MED13L: variants seen among roughly 807,000 people sequenced by gnomAD.
MED13L encodes the protein mediator of RNA polymerase II transcription subunit 13-like.
MED13L carries 7 observed loss-of-function variants against 220.9 expected under a neutral mutation model. That is an observed-to-expected ratio of 0.03 (90% CI 0.02 to 0.06). The LOEUF (loss-of-function observed/expected upper bound fraction) is 0.06, where lower values mean the gene tolerates loss of function less well. MED13L is among the 10% of genes least tolerant of loss of function. MED13L has a pLI of 1.00. For missense variants in MED13L, 1,965 were observed against 2,760.5 expected, an observed-to-expected ratio of 0.71 and a Z score of 6.46; for synonymous variants, 1,011 against 1,015.2, an observed-to-expected ratio of 1.00 and a Z score of 0.08.
At chr12:116,230,564 T>G (rs917542666) in intron 2 of MED13L, 1 of 736,214 alleles carries the variant, frequency 1.4e-6, no homozygotes, top group Non-Finnish European at 1.7e-6. Flanking sequence ...ATACTGCAAA[T>G]ACAATTCCTT....
intron 2 of MED13L, among the ~76,000 whole-genome samples, chr12:116,230,686 A>G (rs1214736378): frequency 6.6e-6 from 1 of 152,194 alleles, no homozygotes; most frequent in Admixed American, 6.5e-5. Flanking sequence ...TCCTTGAAAG[A>G]AATTTTCAAA....
intron 2 of MED13L, among the ~76,000 whole-genome samples, chr12:116,200,079 C>CAA (rs36110388): frequency 1.7e-5 from 2 of 116,864 alleles, no homozygotes; most frequent in Non-Finnish European, 3.6e-5. Flanking sequence ...GGATGCTTTT[C>CAA]AAAAAAAAAA....
chr12:116,175,863 C>T (rs1309551039), intron 2 of MED13L, among the ~76,000 whole-genome samples: 1 of 152,038 alleles, frequency 6.6e-6, no homozygotes, highest in Non-Finnish European at 1.5e-5. Context: ...ATAGGAGGGT[C>T]ATTAATAAAT....
chr12:116,264,127 A>G (rs1872676171), intron 1 of MED13L, among the ~76,000 whole-genome samples: 1 of 152,222 alleles, frequency 6.6e-6, no homozygotes, highest in Non-Finnish European at 1.5e-5. Context: ...AAAAAGCAGA[A>G]CTAAAATAAT....
At chr12:116,237,129 T>C (rs1354962750) in intron 2 of MED13L, among the ~76,000 whole-genome samples, 3 of 152,224 alleles carry the variant, frequency 2.0e-5, no homozygotes, top group Admixed American at 6.5e-5. Context: ...CAGTAACTGT[T>C]CAATTCACTG....
rs867016113 is a variant in MED13L, at chr12:116,093,722, C to T, written c.479+2947G>A. 6.1e-4 allele frequency among the ~76,000 whole-genome samples: 92 copies of T among 151,992 alleles called. 1 individual carries two copies. The highest frequency in any genetic ancestry group is 3.4e-3 in the Middle Eastern group (1 of 292). The stretch of plus-strand genomic sequence containing the variant: ...AGATATTATATATAGATACTATATG[C>T]TAGTATTACACTATACTTAGAAATA... On this transcript the variant is annotated intron_variant, in intron 4 of 30. Coordinates refer to ENST00000281928, the MANE Select transcript of MED13L (RefSeq NM_015335.5).
At chr12:116,096,902 T>C (rs551374897) in intron 3 of MED13L, 150 bp from the exon 4 acceptor site, 22 of 660,774 alleles carry the variant, frequency 3.3e-5, no homozygotes, top group Non-Finnish European at 5.6e-5. Flanking sequence ...ATTTTTACGT[T>C]ATACTTTCCG....
At chr12:116,064,516 A>C (rs1869764722) in intron 4 of MED13L, among the ~76,000 whole-genome samples, 1 of 152,158 alleles carries the variant, frequency 6.6e-6, no homozygotes, top group Non-Finnish European at 1.5e-5. Context: ...AAAATTTGGA[A>C]TCTGGGGCCC....
chr12:116,272,949 T>A (rs1036286287), intron 1 of MED13L, among the ~76,000 whole-genome samples: 6 of 152,352 alleles, frequency 3.9e-5, no homozygotes, highest in African/African-American at 1.4e-4. Flanking sequence ...TAACACCATG[T>A]GCTACTAACA....
At chr12:116,198,654 T>C (rs1881805757) in intron 2 of MED13L, among the ~76,000 whole-genome samples, 1 of 152,204 alleles carries the variant, frequency 6.6e-6, no homozygotes, top group South Asian at 2.1e-4. Flanking sequence ...AACAGTTTTA[T>C]AATTACATCT....
Position 115,991,823 on chromosome 12 carries a change from G to A in MED13L, c.3131C>T (p.Pro1044Leu). ...GAGVLPSPAT[P>L]RFSVPTPRTP... is the part of the protein sequence containing the mutation. Reference sequence around the variant, plus strand: ...TCGTGGTGTGGGGACAGAGAAGCGAGGGGTTGCTGGAGATGGTAGGACTCC... The same window carrying A: ...TCGTGGTGTGGGGACAGAGAAGCGAAGGGTTGCTGGAGATGGTAGGACTCC... Residue 1044 changes from proline (P) to leucine (L), a missense_variant, in exon 17 of 31, where the codon CCT becomes CTT. By Grantham distance (98) the Pro-to-Leu change is moderately conservative. Coordinates refer to ENST00000281928, the MANE Select transcript of MED13L (RefSeq NM_015335.5). This position sits in a 1 kb window ranked among gnomAD's most constrained non-coding sequence, Gnocchi z 7.7. The A allele has an allele frequency of 1.2e-6, 2 of 1,612,828 alleles. No homozygotes were observed. Among genetic ancestry groups the A allele is most frequent in the Non-Finnish European group, 1.7e-6 (2 of 1,179,988 alleles).
In MED13L at chr12:116,250,357, AT is replaced by A. The variant is rs923049117; in HGVS notation, c.73-12653del. ...CAGTAAAATAAATGTAACTAGAATA[AT>A]TTTTTTTTTTATTTCTTCAGGTACG... is the stretch of plus-strand genomic sequence containing the variant. On this transcript the variant is annotated intron_variant, in intron 1 of 30. Coordinates refer to ENST00000281928, the MANE Select transcript of MED13L (RefSeq NM_015335.5). Among the ~76,000 whole-genome samples, 284 of 148,668 alleles carry A rather than the reference AT, an allele frequency of 1.9e-3. 2 individuals are homozygous for A. The highest frequency in any genetic ancestry group is 5.4e-3 in the African/African-American group (221 of 40,798).
chr12:116,236,620 G>C (rs535732401), intron 2 of MED13L, among the ~76,000 whole-genome samples: 1 of 151,992 alleles, frequency 6.6e-6, no homozygotes, highest in South Asian at 2.1e-4. Context: ...ATGGTTCTAA[G>C]AGACTAAGTC....
intron 4 of MED13L, among the ~76,000 whole-genome samples, chr12:116,040,795 CAA>C (rs59484926): frequency 2.5e-4 from 23 of 92,492 alleles, no homozygotes; most frequent in South Asian, 3.2e-4. Context: ...TAGGAGTCCT[CAA>C]AAAAAAAAAA....
At chr12:116,110,288 G>A (rs1258695606) in intron 3 of MED13L, 2 of 151,970 alleles carry the variant, frequency 1.3e-5, no homozygotes, top group Non-Finnish European at 2.9e-5. Context: ...CAAAATAAAT[G>A]ATGGTAAAAA....
chr12:115,960,995 G>C lies in MED13L; in HGVS notation c.*271C>G. 2.1e-6 allele frequency: 1 copy of C among 466,242 alleles called. No individual in the cohort carries two copies. Among genetic ancestry groups the C allele is most frequent in the Non-Finnish European group, 4.0e-6 (1 of 251,646 alleles). The allele number at this position is 466,242 out of a possible 1,614,324, so 28.9% of individuals were successfully genotyped here. ...AGCCATCAACCACCACCACTTCCTGGGGACCAGTGGTTGGGGCTACACACA... is the reference window on the plus strand; with the variant it reads ...AGCCATCAACCACCACCACTTCCTGCGGACCAGTGGTTGGGGCTACACACA... On this transcript the variant is annotated 3_prime_UTR_variant, in exon 31 of 31. Transcript: ENST00000281928.
intron 4 of MED13L, among the ~76,000 whole-genome samples, chr12:116,055,083 C>A (rs1043743907): frequency 6.6e-6 from 1 of 152,066 alleles, no homozygotes; most frequent in Non-Finnish European, 1.5e-5. Context: ...ATAAAGTATA[C>A]GCTATTAACT....
chr12:116,164,229 T>C (rs922936647), intron 2 of MED13L, among the ~76,000 whole-genome samples: 3 of 152,170 alleles, frequency 2.0e-5, no homozygotes, highest in Non-Finnish European at 4.4e-5. Context: ...ATAAAAAAAC[T>C]GAATAGTTTC....
chr12:116,116,650 C>T (rs1874546436), intron 2 of MED13L, among the ~76,000 whole-genome samples: 1 of 151,994 alleles, frequency 6.6e-6, no homozygotes, highest in African/African-American at 2.4e-5. Context: ...TCCAGACTTA[C>T]TCCTGGCATC....
Sources: allele counts gnomAD v4.1 joint callset (sites outside exome capture counted in the v4.1 genomes callset), GRCh38; gene constraint gnomAD v4.1.1; non-coding constraint Gnocchi (gnomAD v3.1); transcripts MANE v1.5; gene names NCBI Gene and HGNC (gene_info 2026-07-23, HGNC 2026-07-21).